TRIM5: variants seen among roughly 807,000 people sequenced by gnomAD.
TRIM5 encodes the protein tripartite motif-containing protein 5.
A neutral mutation model predicts 35.6 loss-of-function variants in TRIM5; 31 were observed. That is an observed-to-expected ratio of 0.87 (90% confidence interval 0.65 to 1.18). The LOEUF is 1.18. Among genes scored for constraint, TRIM5 ranks in the 50% most tolerant of loss-of-function variants. The pLI is 0.00. For synonymous variants in TRIM5, 243 were observed against 215.6 expected (o/e 1.13, Z -1.11); for missense variants, 609 against 591.6 (o/e 1.03, Z -0.31).
chr11:5,621,456 G>A, the TRIM5 span, among the ~76,000 whole-genome samples: 1 of 152,180 alleles, frequency 6.6e-6, no homozygotes, highest in Non-Finnish European at 1.5e-5. Flanking sequence ...CATGGAAATA[G>A]CTGCATATTC....
At chr11:5,642,677 G>A in the TRIM5 span, 1 of 1,322,944 alleles carries the variant, frequency 7.6e-7, no homozygotes, top group Admixed American at 3.5e-5. Context: ...AAATGGCTAG[G>A]TCTCTGGTTT....
At chr11:5,613,226 A>C in the TRIM5 span, among the ~76,000 whole-genome samples, 1 of 152,212 alleles carries the variant, frequency 6.6e-6, no homozygotes, top group African/African-American at 2.4e-5. Context: ...ACATATCTAG[A>C]AGTGTAGAAA....
chr11:5,625,674 C>G, the TRIM5 span, among the ~76,000 whole-genome samples: 3 of 151,934 alleles, frequency 2.0e-5, no homozygotes, highest in Non-Finnish European at 4.4e-5. Flanking sequence ...ATGTGACTGC[C>G]GCACACCGCT....
the TRIM5 span, chr11:5,626,587 AG>A: frequency 3.3e-5 from 5 of 152,234 alleles, no homozygotes; most frequent in Admixed American, 3.3e-4. Context: ...GAGGCATAAA[AG>A]GTGAGTTCTT....
the TRIM5 span, chr11:5,642,331 G>C: frequency 4.4e-6 from 6 of 1,368,250 alleles, no homozygotes; most frequent in Non-Finnish European, 6.2e-6. Context: ...ATGTGAAGGA[G>C]ATGAAACCAG....
the TRIM5 span, among the ~76,000 whole-genome samples, chr11:5,628,182 T>A: frequency 2.0e-5 from 3 of 152,216 alleles, no homozygotes; most frequent in African/African-American, 7.2e-5. Context: ...GGCATCAACA[T>A]GCATCCTCAC....
the TRIM5 span, among the ~76,000 whole-genome samples, chr11:5,623,080 G>A: frequency 2.0e-5 from 3 of 151,132 alleles, no homozygotes; most frequent in African/African-American, 7.3e-5. Flanking sequence ...CTGAGCAAAG[G>A]GGTGACTTTG....
Position 5,679,192 on chromosome 11 carries a change from T to C in TRIM5, c.418-23A>G, listed in dbSNP as rs771541937. 23 of 1,602,746 alleles carry C rather than the reference T, an allele frequency of 1.4e-5. No individual in the cohort carries two copies. The South Asian group carries it at 1.5e-4, about 11-fold the overall frequency. Reference sequence around the variant, plus strand: ...CACCTGTGAGAAAGGAATCACACCATAGTCAAGCTATGAGGTTTTCCAGCA... The same window carrying C: ...CACCTGTGAGAAAGGAATCACACCACAGTCAAGCTATGAGGTTTTCCAGCA... On this transcript the variant is annotated intron_variant, in intron 2 of 7. Transcript: ENST00000380034.
the TRIM5 span, chr11:5,620,072 T>C: frequency 6.6e-6 from 1 of 151,770 alleles, no homozygotes; most frequent in African/African-American, 2.4e-5. Context: ...CTCTACATTT[T>C]GGGGTGGCAG....
the TRIM5 span, among the ~76,000 whole-genome samples, chr11:5,606,344 A>G: frequency 1.3e-5 from 2 of 152,220 alleles, no homozygotes; most frequent in African/African-American, 4.8e-5. Flanking sequence ...AGGGACTTGA[A>G]CTGAGGTTGA....
chr11:5,618,633 G>T, the TRIM5 span, among the ~76,000 whole-genome samples: 1 of 152,140 alleles, frequency 6.6e-6, no homozygotes, highest in Non-Finnish European at 1.5e-5. Context: ...TAAAAGAAGA[G>T]AGAAAATTAA....
At chr11:5,677,317 A>T (rs571104549) in intron 4 of TRIM5, among the ~76,000 whole-genome samples, 34 of 152,376 alleles carry the variant, frequency 2.2e-4, no homozygotes, top group African/African-American at 7.5e-4. Flanking sequence ...ACTTCTCAAA[A>T]GAAGACATTT....
chr11:5,667,621 G>A (rs894980356), intron 5 of TRIM5, 68 bp downstream of exon 5: 24 of 1,530,604 alleles, frequency 1.6e-5, no homozygotes, highest in Non-Finnish European at 1.8e-5. Flanking sequence ...TTAAACCCAG[G>A]ACAATTCTAA....
chr11:5,619,054 G>C, the TRIM5 span, among the ~76,000 whole-genome samples: 3 of 152,132 alleles, frequency 2.0e-5, no homozygotes, highest in Non-Finnish European at 4.4e-5. Context: ...GTGATATGAG[G>C]GTAGCCTGAG....
the TRIM5 span, among the ~76,000 whole-genome samples, chr11:5,592,931 G>A: frequency 0.18 from 20,089 of 111,564 alleles, 1,782 homozygotes; most frequent in East Asian, 0.35. Flanking sequence ...AAAAAAAAAA[G>A]AAAAAAGAAA....
the TRIM5 span, among the ~76,000 whole-genome samples, chr11:5,609,376 C>T: frequency 6.6e-6 from 1 of 152,098 alleles, no homozygotes; most frequent in Non-Finnish European, 1.5e-5. Flanking sequence ...GGGCCTAAGC[C>T]CACAGACTCT....
chr11:5,650,935 G>A, the TRIM5 span, among the ~76,000 whole-genome samples: 1 of 152,200 alleles, frequency 6.6e-6, no homozygotes, highest in African/African-American at 2.4e-5. Context: ...AAGCACCATT[G>A]TATTGGCTTG....
the TRIM5 span, chr11:5,603,849 C>A: frequency 1.4e-6 from 2 of 1,459,594 alleles, no homozygotes; most frequent in Non-Finnish European, 1.8e-6. Context: ...AGAGAATGAA[C>A]CTGGAAACTG....
At chr11:5,595,105 T>C in the TRIM5 span, 26,804 of 152,186 alleles carry the variant, frequency 0.18, 2,762 homozygotes, top group Middle Eastern at 0.32. Flanking sequence ...GAGAAATCTC[T>C]TGATACTTAA....
Sources: allele counts gnomAD v4.1 joint callset (sites outside exome capture counted in the v4.1 genomes callset), GRCh38; gene constraint gnomAD v4.1.1; transcripts MANE v1.5; gene names NCBI Gene and HGNC (gene_info 2026-07-23, HGNC 2026-07-21).